Variants in LPP observed in about 807,000 individuals in gnomAD.
LPP encodes the protein LIM domain containing preferred translocation partner in lipoma, also known as lipoma-preferred partner.
A neutral mutation model predicts 60.4 loss-of-function variants in LPP; 38 were observed. The ratio of observed to expected loss-of-function variants is 0.63; its 90% CI spans 0.49 to 0.83. The LOEUF (loss-of-function observed/expected upper bound fraction) is 0.83, where lower values mean the gene tolerates loss of function less well. Ranked by LOEUF, LPP falls within the 40% of genes least tolerant of loss-of-function variation. The probability of loss-of-function intolerance (pLI) is 0.00; values close to 1 mark genes in which losing one functional copy is unlikely to be tolerated. For synonymous variants in LPP, 328 were observed against 290.8 expected, an observed-to-expected ratio of 1.13 and a Z score of -1.30; for missense variants, 902 against 783.6, an observed-to-expected ratio of 1.15 and a Z score of -1.80.
rs150393283 is a variant in LPP at position 188,389,106 on chromosome 3, A to G, written c.-9-17006A>G. ...ATTTATATTTCCCTGATTATTATTT[A>G]AGTTGTGTGTGTGTATGTATGTGTG... is the stretch of plus-strand genomic sequence containing the variant. On this transcript the variant is annotated intron_variant, in intron 3 of 11. Coordinates refer to ENST00000617246, the MANE Select transcript of LPP (RefSeq NM_001375462.1). Among the ~76,000 whole-genome samples the G allele has an allele frequency of 3.8e-4, 57 of 151,992 alleles. 2 individuals are homozygous for G. In the East Asian group the frequency reaches 0.011, roughly 28 times the overall value.
intron 9 of LPP, among the ~76,000 whole-genome samples, chr3:188,861,935 A>AT (rs1334249448): frequency 6.6e-6 from 1 of 152,132 alleles, no homozygotes; most frequent in African/African-American, 2.4e-5. Flanking sequence ...AGCCTAAAAC[A>AT]TTTTTTTATG....
At chr3:188,179,648 G>C (rs1724327203) in intron 1 of LPP, 1 of 373,360 alleles carries the variant, frequency 2.7e-6, no homozygotes. Context: ...TCCAGCCGTG[G>C]AGTGAGCTTC....
At chr3:188,288,820 CCCCCA>C (rs1471217600) in intron 2 of LPP, among the ~76,000 whole-genome samples, 3 of 59,944 alleles carry the variant, frequency 5.0e-5, no homozygotes, top group Non-Finnish European at 9.7e-5. Flanking sequence ...CACCCCCCAC[CCCCCA>C]CCCCCACCCC....
chr3:188,411,499 G>A (rs1784874866), intron 4 of LPP, among the ~76,000 whole-genome samples: 1 of 152,110 alleles, frequency 6.6e-6, no homozygotes, highest in African/African-American at 2.4e-5. Context: ...AGATTTTATA[G>A]TGTTAACTAT....
At position 188,524,839 on chromosome 3, in the gene LPP, C is replaced by T. The variant is rs181593017; in HGVS notation, c.429+52C>T. ...CACAGCCATTCCCAGATATTCTACTCTTATCAGAAAGAACATGCTGCACCT... is the reference window on the plus strand; with the variant it reads ...CACAGCCATTCCCAGATATTCTACTTTTATCAGAAAGAACATGCTGCACCT... On this transcript the variant is annotated intron_variant, in intron 6 of 11. Coordinates refer to ENST00000617246, the MANE Select transcript of LPP (RefSeq NM_001375462.1). 9.8e-4 allele frequency: 1,529 copies of T among 1,561,376 alleles called. 23 individuals are homozygous for T. In the East Asian group the frequency reaches 0.017, roughly 17 times the overall value.
intron 9 of LPP, among the ~76,000 whole-genome samples, chr3:188,856,578 A>C (rs3915462): frequency 0.56 from 85,751 of 151,982 alleles, 24,553 homozygotes; most frequent in East Asian, 0.84. Flanking sequence ...CATTTCTTAT[A>C]ATATTTAATT....
chr3:188,692,047 C>G lies in LPP; in HGVS notation c.1114-16220C>G, dbSNP rs77663440. 4.2e-3 allele frequency among the ~76,000 whole-genome samples: 640 copies of G among 152,320 alleles called. 4 individuals are homozygous for G. The highest frequency in any genetic ancestry group is 0.014 in the African/African-American group (596 of 41,568). On this transcript the variant is annotated intron_variant, in intron 7 of 11. Coordinates refer to ENST00000617246, the MANE Select transcript of LPP (RefSeq NM_001375462.1). Reference sequence around the variant, plus strand: ...TTGGCTTCCTTCATGATGCTTGCCCCTAGAGTGTCAGCATAGCCCTTGCAG... The same window carrying G: ...TTGGCTTCCTTCATGATGCTTGCCCGTAGAGTGTCAGCATAGCCCTTGCAG...
intron 2 of LPP, among the ~76,000 whole-genome samples, chr3:188,258,067 G>C (rs1451827811): frequency 6.6e-6 from 1 of 152,224 alleles, no homozygotes; most frequent in African/African-American, 2.4e-5. Flanking sequence ...TGACACTTCT[G>C]TGTGGCATCT....
intron 2 of LPP, among the ~76,000 whole-genome samples, chr3:188,267,155 A>G (rs1415206199): frequency 1.3e-5 from 2 of 152,200 alleles, no homozygotes; most frequent in Admixed American, 1.3e-4. Context: ...TTCCTGGAAC[A>G]TTCTGTTCCC....
At chr3:188,819,567 A>G (rs1033802412) in intron 9 of LPP, among the ~76,000 whole-genome samples, 2 of 152,192 alleles carry the variant, frequency 1.3e-5, no homozygotes, top group Non-Finnish European at 2.9e-5. Flanking sequence ...TGAGGAAGGA[A>G]TGTATTCTAA....
intron 9 of LPP, among the ~76,000 whole-genome samples, chr3:188,860,397 A>G (rs1173687904): frequency 6.6e-6 from 1 of 152,082 alleles, no homozygotes; most frequent in African/African-American, 2.4e-5. Context: ...CTTGAGCTGT[A>G]CTTCCCAACC....
At chr3:188,613,316 A>ATATCTATATC (rs1560644220) in intron 7 of LPP, among the ~76,000 whole-genome samples, 23 of 55,076 alleles carry the variant, frequency 4.2e-4, no homozygotes, top group African/African-American at 9.0e-4. Context: ...ATATCTATAT[A>ATATCTATATC]TATCGCTGTG....
chr3:188,262,982 C>A (rs962829067), intron 2 of LPP, among the ~76,000 whole-genome samples: 6 of 151,880 alleles, frequency 4.0e-5, no homozygotes, highest in Non-Finnish European at 5.9e-5. Flanking sequence ...CCAAAGAGTG[C>A]AGTTTTTTTT....
intron 7 of LPP, among the ~76,000 whole-genome samples, chr3:188,682,301 C>T (rs1859708318): frequency 6.6e-6 from 1 of 152,194 alleles, no homozygotes; most frequent in Non-Finnish European, 1.5e-5. Flanking sequence ...CAAGAAATTA[C>T]TGACTTTTCA....
chr3:188,445,639 TA>T (rs550865735), intron 4 of LPP, among the ~76,000 whole-genome samples: 35 of 146,026 alleles, frequency 2.4e-4, no homozygotes, highest in South Asian at 4.3e-4. Context: ...AAGTATAATT[TA>T]AAAAAAAAAA....
chr3:188,443,089 C>T (rs1287802840), intron 4 of LPP, among the ~76,000 whole-genome samples: 1 of 152,188 alleles, frequency 6.6e-6, no homozygotes, highest in East Asian at 1.9e-4. Context: ...GATCTTTTCT[C>T]TCAGAACTTG....
chr3:188,210,684 T>C (rs921867698), intron 1 of LPP, among the ~76,000 whole-genome samples: 1 of 152,174 alleles, frequency 6.6e-6, no homozygotes. Flanking sequence ...AATATTTCAT[T>C]CTGGTTTTCA....
chr3:188,571,256 T>C (rs1833475353), intron 6 of LPP, among the ~76,000 whole-genome samples: 1 of 152,090 alleles, frequency 6.6e-6, no homozygotes, highest in South Asian at 2.1e-4. Flanking sequence ...TGTATAAACA[T>C]AGACACCAAT....
chr3:188,393,199 A>G (rs1006542755), intron 3 of LPP, among the ~76,000 whole-genome samples: 1 of 152,052 alleles, frequency 6.6e-6, no homozygotes, highest in Non-Finnish European at 1.5e-5. Context: ...ATTTTAAGAA[A>G]AAGTGACATT....
Sources: allele counts gnomAD v4.1 joint callset (sites outside exome capture counted in the v4.1 genomes callset), GRCh38; gene constraint gnomAD v4.1.1; transcripts MANE v1.5; gene names NCBI Gene and HGNC (gene_info 2026-07-23, HGNC 2026-07-21).